Variants in GLOD4 observed in about 807,000 individuals in gnomAD.
The protein encoded by GLOD4 is glyoxalase domain containing 4, also known as glyoxalase domain-containing protein 4.
Under a neutral mutation model 39.1 loss-of-function variants are expected in GLOD4, and 44 were observed. The ratio of observed to expected loss-of-function variants is 1.13; its 90% confidence interval spans 0.88 to 1.45. The LOEUF is 1.45. GLOD4 is among the 40% of genes most tolerant of loss of function. The pLI is 0.00. For missense variants in GLOD4, 405 were observed against 366.4 expected (o/e 1.11, Z -0.86); for synonymous variants, 145 against 135.0 (o/e 1.07, Z -0.52).
Position 760,204 on chromosome 17 carries a change from G to T in GLOD4, c.866C>A (p.Ala289Asp). 1 of 1,599,206 alleles carries T rather than the reference G, an allele frequency of 6.3e-7. No individual in the cohort carries two copies. The highest frequency in any genetic ancestry group is 8.6e-7 in the Non-Finnish European group (1 of 1,166,520). The change falls in exon 9 of 9, where the codon GCC becomes GAC. Residue 289 changes from alanine (A) to aspartate (D), a missense_variant. By Grantham distance (126) the Ala-to-Asp change is moderately radical. Coordinates refer to ENST00000301329, the MANE Select transcript of GLOD4 (RefSeq NM_016080.4). ...TGAAGCTTTGGGTTTATTGTGTTTG[G>T]CAAACCACTCGTCACTTTTATCTGC... ...MAADKSDEWFAKHNKPKASG is the reference protein window; with the variant it reads ...MAADKSDEWFDKHNKPKASG
intron 8 of GLOD4, chr17:763,777 T>C (rs765059005): frequency 2.6e-5 from 4 of 152,186 alleles, no homozygotes; most frequent in Admixed American, 6.5e-5. Flanking sequence ...GAGTCTGATA[T>C]GTGGTAGGTT....
At chr17:773,548 GA>G (rs1485631953) in intron 4 of GLOD4, among the ~76,000 whole-genome samples, 1 of 152,010 alleles carries the variant, frequency 6.6e-6, no homozygotes, top group Non-Finnish European at 1.5e-5. Context: ...CTTGTCTAAG[GA>G]AAAAACTTGA....
At chr17:785,359 T>C (rs1910484899), upstream of GLOD4, among the ~76,000 whole-genome samples, 1 of 152,096 alleles carries the variant, frequency 6.6e-6, no homozygotes, top group Non-Finnish European at 1.5e-5. Context: ...ATAAATTCTT[T>C]CCATAAAACT....
intron 1 of GLOD4, among the ~76,000 whole-genome samples, chr17:780,917 C>CTTTTTTTT (rs897931602): frequency 8.3e-6 from 1 of 120,830 alleles, no homozygotes; most frequent in Non-Finnish European, 1.7e-5. Flanking sequence ...GGTGTTGAAT[C>CTTTTTTTT]TTTTTTTTTT....
At chr17:782,888 A>G (rs1242295298), upstream of GLOD4, among the ~76,000 whole-genome samples, 1 of 152,152 alleles carries the variant, frequency 6.6e-6, no homozygotes, top group Non-Finnish European at 1.5e-5. Context: ...TTGTTTCACC[A>G]TGTTAGCCAG....
upstream of GLOD4, chr17:783,038 G>T: frequency 6.4e-7 from 1 of 1,558,846 alleles, no homozygotes; most frequent in South Asian, 1.2e-5. Flanking sequence ...TCAGTAACAA[G>T]GATGTTGATA....
upstream of GLOD4, chr17:782,296 C>G (rs748062525): frequency 1.9e-6 from 3 of 1,611,678 alleles, no homozygotes; most frequent in Non-Finnish European, 2.5e-6. Flanking sequence ...CCGTACAGCC[C>G]AGTCCACGAA....
At position 776,924 on chromosome 17, in the gene GLOD4, C is replaced by A; in HGVS notation, c.205G>T (p.Ala69Ser). The change falls in exon 3 of 9, where the codon GCA (alanine) becomes TCA (serine). Residue 69 changes from alanine to serine, a missense_variant. Ala to Ser is a moderately conservative substitution (Grantham distance 99). Coordinates refer to ENST00000301329, the MANE Select transcript of GLOD4 (RefSeq NM_016080.4). ...GFGPEDDHFV[A>S]ELTYNYGVGD... The stretch of plus-strand genomic sequence containing the variant: ...ACGCCATAATTGTAAGTCAGTTCTG[C>A]GACAAAATGATCATCCTCAGGCCCA... The A allele has an allele frequency of 6.2e-7, 1 of 1,610,108 alleles. No individual in the cohort carries two copies. The highest frequency in any genetic ancestry group is 8.5e-7 in the Non-Finnish European group (1 of 1,176,334).
chr17:759,974 T>G lies in GLOD4; in HGVS notation c.*199A>C. 4 of 580,496 alleles carry G rather than the reference T, an allele frequency of 6.9e-6. No individual in the cohort carries two copies. Among genetic ancestry groups the G allele is most frequent in the South Asian group, 2.1e-5 (1 of 46,606 alleles). The allele number at this position is 580,496 out of a possible 1,614,324, so 36.0% of individuals were successfully genotyped here. ...ACAGTGTAGATTACAGCAGGCGTTC[T>G]CTACCTGGACTCATGATTGGATTTC... is the stretch of plus-strand genomic sequence containing the variant. On this transcript the variant is annotated 3_prime_UTR_variant, in exon 9 of 9. Transcript: ENST00000301329.
At chr17:771,052 G>A (rs1309175110) in intron 5 of GLOD4, 3 of 266,604 alleles carry the variant, frequency 1.1e-5, no homozygotes, top group African/African-American at 6.7e-5. Flanking sequence ...AAAAGAAGAT[G>A]AAAAAGATCT....
chr17:761,747 A>AC (rs1214867735), intron 8 of GLOD4, among the ~76,000 whole-genome samples: 2 of 152,266 alleles, frequency 1.3e-5, no homozygotes, highest in Admixed American at 1.3e-4. Flanking sequence ...CAGGTGAGCC[A>AC]CCCGCCTTGG....
At chr17:778,323 C>T (rs1416374008) in intron 2 of GLOD4, 1 of 370,322 alleles carries the variant, frequency 2.7e-6, no homozygotes, top group African/African-American at 2.1e-5. Context: ...GGACTGAGCC[C>T]TTAACTTGCA....
chr17:778,404 C>T (rs1326796522), intron 2 of GLOD4: 5 of 517,342 alleles, frequency 9.7e-6, no homozygotes, highest in Non-Finnish European at 1.7e-5. Flanking sequence ...TGTTAGAGAG[C>T]TGGAGAATCC....
chr17:767,726 AAG>A (rs976561437), intron 8 of GLOD4, among the ~76,000 whole-genome samples: 14 of 147,118 alleles, frequency 9.5e-5, no homozygotes, highest in Admixed American at 6.8e-4. Flanking sequence ...GAGAGGACGT[AAG>A]AGAGGGAAAC....
At chr17:778,886 T>C in intron 1 of GLOD4, 142 bp from the exon 2 acceptor site, 1 of 602,836 alleles carries the variant, frequency 1.7e-6, no homozygotes, top group South Asian at 2.1e-5. Flanking sequence ...AGCTTTACAC[T>C]TCTCCCAGGA....
chr17:769,554 T>C (rs1907553527), intron 8 of GLOD4, among the ~76,000 whole-genome samples: 1 of 149,542 alleles, frequency 6.7e-6, no homozygotes, highest in Non-Finnish European at 1.5e-5. Flanking sequence ...GGGGGTCGGA[T>C]GGAGGCATCT....
intron 1 of GLOD4, among the ~76,000 whole-genome samples, chr17:781,588 A>C (rs1909959330): frequency 6.6e-6 from 1 of 152,168 alleles, no homozygotes. Flanking sequence ...TCCCTGGCTT[A>C]TCAAAGGAGG....
At chr17:772,186 C>CGA (rs1436899118) in intron 4 of GLOD4, among the ~76,000 whole-genome samples, 1 of 37,530 alleles carries the variant, frequency 2.7e-5, no homozygotes, top group Non-Finnish European at 4.4e-5. Context: ...GACCCTATCT[C>CGA]GAAAAAAAAA....
chr17:769,550 C>T (rs1441175513), intron 8 of GLOD4, among the ~76,000 whole-genome samples: 1 of 135,150 alleles, frequency 7.4e-6, no homozygotes, highest in Non-Finnish European at 1.6e-5. Flanking sequence ...CTGAGGGGGT[C>T]GGATGGAGGC....
Sources: gnomAD v4.1 joint callset for allele counts (sites outside exome capture counted in the v4.1 genomes callset) on GRCh38, gnomAD v4.1.1 for gene constraint, MANE v1.5 for transcripts, NCBI Gene and HGNC (gene_info 2026-07-23, HGNC 2026-07-21) for gene names.